COL4A3: variants seen among roughly 807,000 people sequenced by gnomAD.
COL4A3 encodes collagen type IV alpha 3 chain.
Under a neutral mutation model 217.4 loss-of-function variants are expected in COL4A3, and 135 were observed. The ratio of observed to expected loss-of-function variants is 0.62; its 90% CI spans 0.54 to 0.72. COL4A3 has a LOEUF of 0.72. COL4A3 is among the 30% of genes least tolerant of loss of function. COL4A3 has a pLI of 0.00. For missense variants in COL4A3, 1,868 were observed against 2,119.9 expected (o/e 0.88, Z 2.33); for synonymous variants, 690 against 736.3 (o/e 0.94, Z 1.02).
At chr2:227,288,234 T>G (rs1360347385) in intron 34 of COL4A3, among the ~76,000 whole-genome samples, 3 of 152,160 alleles carry the variant, frequency 2.0e-5, no homozygotes. Flanking sequence ...GTAGCTGGGA[T>G]TACAGGTGTG....
At chr2:227,300,452 G>A (rs1295332558) in intron 43 of COL4A3, among the ~76,000 whole-genome samples, 1 of 152,106 alleles carries the variant, frequency 6.6e-6, no homozygotes, top group Non-Finnish European at 1.5e-5. Flanking sequence ...TTAGGCCTGT[G>A]CCCCAAGCCT....
Position 227,253,445 on chromosome 2 carries a change from T to C in COL4A3, c.687+108T>C. ...CAAGCTGAAATTGATGGGCCTTCAT[T>C]TGTTCTATCTTCCCGTATAAGCACT... On this transcript the variant is annotated intron_variant, in intron 12 of 51. Coordinates refer to ENST00000396578, the MANE Select transcript of COL4A3 (RefSeq NM_000091.5). This position sits in a 1 kb window ranked among gnomAD's most constrained non-coding sequence, Gnocchi z 4.4. 1.4e-6 allele frequency: 2 copies of C among 1,421,340 alleles called. No homozygotes were observed. Among genetic ancestry groups the C allele is most frequent in the Non-Finnish European group, 2.0e-6 (2 of 1,004,276 alleles). 88.0% of individuals were successfully genotyped at this position (1,421,340 alleles called of 1,614,324 possible). A position where few individuals can be genotyped will look rare whatever the true frequency, so the allele number is the denominator to read the frequency against.
intron 28 of COL4A3, among the ~76,000 whole-genome samples, chr2:227,278,803 T>C (rs2071753391): frequency 6.6e-6 from 1 of 152,210 alleles, no homozygotes; most frequent in Non-Finnish European, 1.5e-5. Flanking sequence ...AATTTCACAA[T>C]TGAATCTAAT....
At chr2:227,213,901 C>CAAA (rs5839195) in intron 1 of COL4A3, among the ~76,000 whole-genome samples, 11 of 89,286 alleles carry the variant, frequency 1.2e-4, no homozygotes, top group African/African-American at 4.4e-4. Flanking sequence ...AACTCTGTCT[C>CAAA]AAAAAAAAAA....
chr2:227,271,950 T>C (rs2071267721), intron 25 of COL4A3, among the ~76,000 whole-genome samples: 1 of 152,246 alleles, frequency 6.6e-6, no homozygotes, highest in South Asian at 2.1e-4. Context: ...TGGAGAAACT[T>C]GGTAAACAAA....
At chr2:227,281,282 G>GT (rs1303274102) in intron 31 of COL4A3, among the ~76,000 whole-genome samples, 1 of 152,050 alleles carries the variant, frequency 6.6e-6, no homozygotes, top group Non-Finnish European at 1.5e-5. Flanking sequence ...ATTGGTGTGT[G>GT]TTTACATATA....
At chr2:227,229,998 C>G (rs1005759525) in intron 1 of COL4A3, among the ~76,000 whole-genome samples, 1 of 151,014 alleles carries the variant, frequency 6.6e-6, no homozygotes. Context: ...TTGCAGTGAG[C>G]CGAGACCGTG....
chr2:227,170,365 C>A (rs990190784), intron 1 of COL4A3, among the ~76,000 whole-genome samples: 1 of 151,954 alleles, frequency 6.6e-6, no homozygotes, highest in East Asian at 1.9e-4. Context: ...TAATGACATA[C>A]CCAAGACTCG....
intron 37 of COL4A3, among the ~76,000 whole-genome samples, chr2:227,292,389 TC>T (rs527594874): frequency 6.6e-6 from 1 of 152,108 alleles, no homozygotes; most frequent in Non-Finnish European, 1.5e-5. Context: ...CAACGAAAAA[TC>T]CTATTTGACT....
intron 2 of COL4A3, among the ~76,000 whole-genome samples, chr2:227,239,045 T>C (rs946517194): frequency 1.3e-5 from 2 of 152,220 alleles, no homozygotes; most frequent in African/African-American, 4.8e-5. Flanking sequence ...ACTTGTTCTT[T>C]TTTGTTTTAA....
At chr2:227,215,584 G>C (rs571474345) in intron 1 of COL4A3, among the ~76,000 whole-genome samples, 25 of 152,160 alleles carry the variant, frequency 1.6e-4, no homozygotes, top group African/African-American at 5.8e-4. Flanking sequence ...TCAGCCTCCC[G>C]AGTAGCTGGG....
chr2:227,235,792 T>TTTTTTTA (rs1232673741), intron 1 of COL4A3, among the ~76,000 whole-genome samples: 1 of 113,710 alleles, frequency 8.8e-6, no homozygotes, highest in African/African-American at 3.4e-5. Context: ...TTTTTTTTTT[T>TTTTTTTA]AATGGAGTTT....
At chr2:227,256,321 T>A (rs765991598) in intron 16 of COL4A3, 22 bp from the exon 17 acceptor site, 4 of 1,611,934 alleles carry the variant, frequency 2.5e-6, no homozygotes, top group Non-Finnish European at 3.4e-6. Flanking sequence ...TCTGACCCAT[T>A]TCTTTTTGTT....
chr2:227,244,298 T>C, intron 3 of COL4A3, 22 bp from the exon 4 acceptor site: 1 of 1,613,200 alleles, frequency 6.2e-7, no homozygotes. Flanking sequence ...TGTTTACTTT[T>C]TCTTTTTTCA....
intron 24 of COL4A3, among the ~76,000 whole-genome samples, chr2:227,270,430 G>A (rs911703925): frequency 3.9e-5 from 6 of 152,166 alleles, no homozygotes; most frequent in African/African-American, 1.4e-4. Context: ...GAATCAAAAA[G>A]TTATAGATAA....
At chr2:227,263,686 T>TATAA in intron 20 of COL4A3, 94 bp from the exon 21 acceptor site, 1 of 1,304,850 alleles carries the variant, frequency 7.7e-7, no homozygotes, top group Non-Finnish European at 1.1e-6. Context: ...GTGCAATTTT[T>TATAA]ATAAATAAAA....
chr2:227,224,524 G>C (rs2067981552), intron 1 of COL4A3, among the ~76,000 whole-genome samples: 1 of 152,224 alleles, frequency 6.6e-6, no homozygotes, highest in Admixed American at 6.5e-5. Flanking sequence ...GCCAAGGCGG[G>C]TGGATCACCT....
At chr2:227,182,705 G>A (rs1374004606) in intron 1 of COL4A3, among the ~76,000 whole-genome samples, 3 of 151,970 alleles carry the variant, frequency 2.0e-5, no homozygotes, top group Non-Finnish European at 4.4e-5. Flanking sequence ...AATATAATGG[G>A]GAAAAAACAG....
At chr2:227,215,178 C>G (rs955097715) in intron 1 of COL4A3, among the ~76,000 whole-genome samples, 1 of 151,742 alleles carries the variant, frequency 6.6e-6, no homozygotes, top group South Asian at 2.1e-4. Context: ...AATGAAAAGT[C>G]ATTATCGTTT....
Sources: allele counts gnomAD v4.1 joint callset (sites outside exome capture counted in the v4.1 genomes callset), GRCh38; gene constraint gnomAD v4.1.1; non-coding constraint Gnocchi (gnomAD v3.1); transcripts MANE v1.5; gene names NCBI Gene and HGNC (gene_info 2026-07-23, HGNC 2026-07-21).